EBF4: variants seen among roughly 807,000 people sequenced by gnomAD.
The protein encoded by EBF4 is EBF transcription factor 4.
Under a neutral mutation model 67.1 loss-of-function variants are expected in EBF4, and 34 were observed. The observed-to-expected ratio is 0.51, with a 90% CI of 0.39 to 0.67. The LOEUF (loss-of-function observed/expected upper bound fraction) is 0.67. EBF4 is among the 30% of genes least tolerant of loss of function. EBF4 has a pLI of 0.00. For missense variants in EBF4, 837 were observed against 873.3 expected (o/e 0.96, Z 0.52); for synonymous variants, 387 against 377.7 (o/e 1.02, Z -0.29).
intron 6 of EBF4, among the ~76,000 whole-genome samples, chr20:2,736,989 C>T (rs971253497): frequency 8.5e-5 from 13 of 152,070 alleles, no homozygotes; most frequent in Non-Finnish European, 1.3e-4. Flanking sequence ...GTGGCTCACG[C>T]TTGTAATCCC....
In EBF4 at chr20:2,752,068, C is replaced by T; in HGVS notation, c.1174-18C>T. ...CGCCCGCGGCTGCCCCGGCCGTGCCCCGCTCTTGTCTTCGCAGGAGCTGCT... is the reference window on the plus strand; with the variant it reads ...CGCCCGCGGCTGCCCCGGCCGTGCCTCGCTCTTGTCTTCGCAGGAGCTGCT... On this transcript the variant is annotated intron_variant, in intron 12 of 16. Transcript: ENST00000609451. 1 of 1,451,754 alleles carries T rather than the reference C, an allele frequency of 6.9e-7. No homozygotes were observed. The highest frequency in any genetic ancestry group is 9.0e-7 in the Non-Finnish European group (1 of 1,109,198). 89.9% of individuals were successfully genotyped at this position (1,451,754 alleles called of 1,614,324 possible). A position where few individuals can be genotyped will look rare whatever the true frequency, so the allele number is the denominator to read the frequency against.
rs372108931 is a variant in EBF4, at chr20:2,751,653, G to C, written c.1019-47G>C. ...GCGCCCTGCGTCTCACCCTGGGAGT[G>C]GGGGGCTGCGGGGGAGACGTCCTCC... On this transcript the variant is annotated intron_variant, in intron 10 of 16. Coordinates refer to ENST00000609451, the Ensembl canonical transcript of EBF4. The surrounding 1 kb of genome is among the most constrained non-coding windows in gnomAD (Gnocchi z 5.2). The C allele has an allele frequency of 1.3e-6, 2 of 1,536,528 alleles. No homozygotes were observed. Among genetic ancestry groups the C allele is most frequent in the Non-Finnish European group, 1.8e-6 (2 of 1,134,740 alleles).
At chr20:2,727,042 C>T (rs866285002) in intron 6 of EBF4, among the ~76,000 whole-genome samples, 21 of 152,038 alleles carry the variant, frequency 1.4e-4, no homozygotes, top group African/African-American at 4.6e-4. Flanking sequence ...TATCTTTTTG[C>T]GACTGGCTTA....
chr20:2,713,047 T>C (rs1396360622), intron 6 of EBF4, among the ~76,000 whole-genome samples: 2 of 152,192 alleles, frequency 1.3e-5, no homozygotes, highest in Admixed American at 6.5e-5. Context: ...AGGAACTCTT[T>C]TGAGTTTTGC....
At chr20:2,737,146 A>T (rs1450354272) in intron 6 of EBF4, among the ~76,000 whole-genome samples, 2 of 150,800 alleles carry the variant, frequency 1.3e-5, no homozygotes, top group South Asian at 2.1e-4. Flanking sequence ...GCTACTCGGG[A>T]GGCTGAGGCA....
chr20:2,753,971 C>T (rs1346506680), intron 14 of EBF4, among the ~76,000 whole-genome samples: 1 of 7,400 alleles, frequency 1.4e-4, no homozygotes, highest in Non-Finnish European at 3.0e-4. Flanking sequence ...CCCCCTTGGG[C>T]CAACACTGGT....
chr20:2,745,007 G>A lies in EBF4; in HGVS notation c.558-3542G>A, dbSNP rs1346727341. ...TACACTTACAGCACATCTCAAGTTC[G>A]GACTAGCCACACTGCAAGGGTTCAT... On this transcript the variant is annotated intron_variant, in intron 6 of 16. Transcript: ENST00000609451. This position sits in a 1 kb window ranked among gnomAD's most constrained non-coding sequence, Gnocchi z 5.2. 1.3e-5 allele frequency among the ~76,000 whole-genome samples: 2 copies of A among 152,084 alleles called. No homozygotes were observed. The highest frequency in any genetic ancestry group is 6.5e-5 in the Admixed American group (1 of 15,270).
chr20:2,729,355 AC>A (rs1014994793), intron 6 of EBF4, among the ~76,000 whole-genome samples: 7 of 152,006 alleles, frequency 4.6e-5, no homozygotes, highest in African/African-American at 1.7e-4. Flanking sequence ...TCTTAAAGCC[AC>A]CCCCACCAAT....
At position 2,756,238 on chromosome 20, in the gene EBF4, C is replaced by T. The variant is rs906719034; in HGVS notation, c.1738+414C>T. On this transcript the variant is annotated intron_variant, in intron 15 of 16. Coordinates refer to ENST00000609451, the Ensembl canonical transcript of EBF4. This position sits in a 1 kb window ranked among gnomAD's most constrained non-coding sequence, Gnocchi z 4.5. ...CACACACCACTGTGAGGGACTGGGTCGCTGACCATGGAAGGGGACTGACCT... is the reference window on the plus strand; with the variant it reads ...CACACACCACTGTGAGGGACTGGGTTGCTGACCATGGAAGGGGACTGACCT... Among the ~76,000 whole-genome samples the T allele has an allele frequency of 2.0e-5, 3 of 152,232 alleles. No homozygotes were observed. Among genetic ancestry groups the T allele is most frequent in the African/African-American group, 7.2e-5 (3 of 41,464 alleles).
chr20:2,721,543 C>T (rs532942335), intron 6 of EBF4, among the ~76,000 whole-genome samples: 1 of 152,224 alleles, frequency 6.6e-6, no homozygotes, highest in East Asian at 1.9e-4. Flanking sequence ...CAACTTCCAC[C>T]TCCTGGGTTC....
At chr20:2,718,047 G>A (rs1448699603) in intron 6 of EBF4, among the ~76,000 whole-genome samples, 3 of 152,136 alleles carry the variant, frequency 2.0e-5, no homozygotes, top group Non-Finnish European at 2.9e-5. Context: ...CTGACCTCGT[G>A]ATCCACCCAC....
chr20:2,755,622 C>CCGGG lies in EBF4; in HGVS notation c.1541-5_1541-4insCGGG, dbSNP rs1600248799. 9.0e-6 allele frequency: 13 copies of CCGGG among 1,439,274 alleles called. No individual in the cohort carries two copies. Among genetic ancestry groups the CCGGG allele is most frequent in the Admixed American group, 7.9e-5 (4 of 50,320 alleles). The allele number at this position is 1,439,274 out of a possible 1,614,324, so 89.2% of individuals were successfully genotyped here. A position where few individuals can be genotyped will look rare whatever the true frequency, so the allele number is the denominator to read the frequency against. Reference sequence around the variant, plus strand: ...GCGCCTGCCCCTCCCCGCCCCGCCCCGGAGTCATGCCCTCTAGCCCCCCGC... The same window carrying CCGGG: ...GCGCCTGCCCCTCCCCGCCCCGCCCCCGGGGGAGTCATGCCCTCTAGCCCCCCGC... On this transcript the variant is annotated splice_polypyrimidine_tract_variant and splice_region_variant and intron_variant, in intron 14 of 16. Transcript: ENST00000609451. This position sits in a 1 kb window ranked among gnomAD's most constrained non-coding sequence, Gnocchi z 4.7.
intron 6 of EBF4, among the ~76,000 whole-genome samples, chr20:2,711,852 A>G (rs1002048996): frequency 4.6e-5 from 7 of 152,230 alleles, no homozygotes; most frequent in African/African-American, 1.7e-4. Context: ...GTGCCTAGGA[A>G]GGAAGGTTTG....
chr20:2,693,092 C>CCGCCACTGT (rs2087232205), upstream of EBF4: 1 of 160,948 alleles, frequency 6.2e-6, no homozygotes. The surrounding 1 kb of genome is among the most constrained non-coding windows in gnomAD (Gnocchi z 4.6). Context: ...GCCGCCGCTG[C>CCGCCACTGT]CGCCACTGTC....
chr20:2,746,721 G>A (rs1190162040), intron 6 of EBF4, among the ~76,000 whole-genome samples: 1 of 152,196 alleles, frequency 6.6e-6, no homozygotes, highest in Non-Finnish European at 1.5e-5. Context: ...TAGTACATGA[G>A]TAACTATACC....
At position 2,729,341 on chromosome 20, in the gene EBF4, C is replaced by T. The variant is rs1056233758; in HGVS notation, c.558-19208C>T. Among the ~76,000 whole-genome samples, 9 of 152,304 alleles carry T rather than the reference C, an allele frequency of 5.9e-5. No homozygotes were observed. The South Asian group carries it at 6.2e-4, about 11-fold the overall frequency. ...CCCTAATCAGCTCTGAAACAGCATC[C>T]GGTTCTTAAAGCCACCCCCACCAAT... On this transcript the variant is annotated intron_variant, in intron 6 of 16. Transcript: ENST00000609451.
At chr20:2,695,000 C>T (rs1439179550) in intron 1 of EBF4, among the ~76,000 whole-genome samples, 1 of 152,176 alleles carries the variant, frequency 6.6e-6, no homozygotes, top group Non-Finnish European at 1.5e-5. Flanking sequence ...AGTCCCTCCT[C>T]TGTAATACAA....
In EBF4 at chr20:2,707,447, A is replaced by T. The variant is rs879431551; in HGVS notation, c.415-500A>T. 6.6e-6 allele frequency among the ~76,000 whole-genome samples: 1 copy of T among 152,094 alleles called. No individual in the cohort carries two copies. The highest frequency in any genetic ancestry group is 1.5e-5 in the Non-Finnish European group (1 of 67,998). On this transcript the variant is annotated intron_variant, in intron 4 of 16. Coordinates refer to ENST00000609451, the Ensembl canonical transcript of EBF4. This position sits in a 1 kb window ranked among gnomAD's most constrained non-coding sequence, Gnocchi z 4.6. ...TAGGGATGGTATGGGGGAAGAGGCG[A>T]TAGTTATCTAGGGGGAAGAGGCAGC...
intron 6 of EBF4, among the ~76,000 whole-genome samples, chr20:2,728,521 CG>C (rs1458968886): frequency 1.3e-5 from 2 of 151,952 alleles, no homozygotes; most frequent in Non-Finnish European, 2.9e-5. Context: ...AAAAGAGGTT[CG>C]GGGGCGGGGG....
Sources: gnomAD v4.1 joint callset for allele counts (sites outside exome capture counted in the v4.1 genomes callset) on GRCh38, gnomAD v4.1.1 for gene constraint, Gnocchi (gnomAD v3.1) non-coding constraint, MANE v1.5 for transcripts, NCBI Gene and HGNC (gene_info 2026-07-23, HGNC 2026-07-21) for gene names.